The following FCHSD1 variants were observed in gnomAD, a reference collection of about 807,000 sequenced individuals.
FCHSD1 encodes FCH and double SH3 domains 1, also known as F-BAR and double SH3 domains protein 1.
In FCHSD1, 109 loss-of-function variants were observed where a neutral mutation model predicts 101.3. The observed-to-expected ratio is 1.08, with a 90% CI of 0.92 to 1.26. The LOEUF (loss-of-function observed/expected upper bound fraction) is 1.26. Among genes scored for constraint, FCHSD1 ranks in the 50% most tolerant of loss-of-function variants. The pLI is 0.00. For synonymous variants in FCHSD1, 291 were observed against 356.8 expected (o/e 0.82, Z 2.08); for missense variants, 820 against 895.8 (o/e 0.92, Z 1.08).
intron 11 of FCHSD1, 149 bp downstream of exon 11, chr5:141,646,454 C>T: frequency 7.7e-7 from 1 of 1,295,178 alleles, no homozygotes; most frequent in Non-Finnish European, 1.0e-6. Flanking sequence ...AAACTGTGCT[C>T]TTAACTATTG....
rs771716033 is a variant in FCHSD1, at chr5:141,643,090, T to G, written c.1864-2A>C. 18 of 1,477,442 alleles carry G rather than the reference T, an allele frequency of 1.2e-5. No individual in the cohort carries two copies. In the East Asian group the frequency reaches 4.6e-4, roughly 38 times the overall value. The allele number at this position is 1,477,442 out of a possible 1,614,324, so 91.5% of individuals were successfully genotyped here. On this transcript the variant is annotated splice_acceptor_variant, in intron 17 of 19. Coordinates refer to ENST00000435817, the MANE Select transcript of FCHSD1 (RefSeq NM_033449.3). LOFTEE classifies it high-confidence loss of function. ...GGGAGGAGAAGGGGACGGCAGCATC[T>G]GGAGGTGGGGTGGGCACAGAGTTAT...
Position 141,647,417 on chromosome 5 carries a change from C to T in FCHSD1, c.809G>A (p.Gly270Glu). The part of the protein sequence containing the change: ...AEVILEHAHR[G>E]EQTTSQVSWE... The stretch of plus-strand genomic sequence containing the variant: ...CCTCACCTGGGAGGTTGTCTGCTCC[C>T]CGCGGTGGGCATGCTCCAGGATGAC... Residue 270 changes from glycine to glutamate, a missense_variant, in exon 9 of 20, where the codon GGG becomes GAG. By Grantham distance (98) the Gly-to-Glu change is moderately conservative. Coordinates refer to ENST00000435817, the MANE Select transcript of FCHSD1 (RefSeq NM_033449.3). 6.2e-7 allele frequency: 1 copy of T among 1,601,572 alleles called. No homozygotes were observed. Among genetic ancestry groups the T allele is most frequent in the Non-Finnish European group, 8.5e-7 (1 of 1,173,188 alleles).
rs375807322 is a variant in FCHSD1 at position 141,640,165 on chromosome 5, G to A, written c.*1333C>T. On this transcript the variant is annotated 3_prime_UTR_variant, in exon 20 of 20. Coordinates refer to ENST00000435817, the MANE Select transcript of FCHSD1 (RefSeq NM_033449.3). The stretch of plus-strand genomic sequence containing the variant: ...CTCAGGGACAGCAGCCTAACCCCTC[G>A]TGCACTTGAAGGGAACCCCAGAGCT... The A allele has an allele frequency of 5.6e-6, 9 of 1,614,006 alleles. No homozygotes were observed. In the East Asian group the frequency reaches 6.7e-5, roughly 12 times the overall value.
In FCHSD1 at chr5:141,642,604, G is replaced by A. The variant is rs2099907068; in HGVS notation, c.1951+397C>T. ...TACAAAGCTAGGTATCTGGACACTA[G>A]GAGCAAAAGGTGCATATTGGGAGGA... On this transcript the variant is annotated intron_variant, in intron 18 of 19. Coordinates refer to ENST00000435817, the MANE Select transcript of FCHSD1 (RefSeq NM_033449.3). 4 of 545,462 alleles carry A rather than the reference G, an allele frequency of 7.3e-6. No homozygotes were observed. In the South Asian group the frequency reaches 9.7e-5, roughly 13 times the overall value. The allele number at this position is 545,462 out of a possible 1,614,324, so 33.8% of individuals were successfully genotyped here. A position where few individuals can be genotyped will look rare whatever the true frequency, so the allele number is the denominator to read the frequency against.
intron 1 of FCHSD1, 94 bp downstream of exon 1, chr5:141,651,254 T>G (rs1222418644): frequency 8.3e-5 from 128 of 1,543,264 alleles, no homozygotes; most frequent in Non-Finnish European, 1.1e-4. Context: ...TCTGACCCCT[T>G]CCGACTTCCC....
intron 9 of FCHSD1, 80 bp from the exon 10 acceptor site, chr5:141,647,310 A>G: frequency 6.4e-7 from 1 of 1,563,206 alleles, no homozygotes; most frequent in Non-Finnish European, 8.7e-7. Flanking sequence ...TGGAAGAAAA[A>G]GGACAATGTG....
At chr5:141,642,552 A>G (rs940815610) in intron 18 of FCHSD1, 13 of 531,734 alleles carry the variant, frequency 2.4e-5, no homozygotes, top group Non-Finnish European at 4.3e-5. Flanking sequence ...AAAAAAGAAA[A>G]AAAGTGGGCA....
chr5:141,647,572 TA>T, intron 8 of FCHSD1, 52 bp from the exon 9 acceptor site: 1 of 1,596,454 alleles, frequency 6.3e-7, no homozygotes, highest in Non-Finnish European at 8.5e-7. Context: ...ACCTCTACTG[TA>T]AAATAGGCTC....
At position 141,640,371 on chromosome 5, in the gene FCHSD1, A is replaced by C; in HGVS notation, c.*1127T>G. ...ACTCTGGGGGGCACTGATAGGACCT[A>C]CTCCTGGTCTCTCATTGTTGACCCC... On this transcript the variant is annotated 3_prime_UTR_variant, in exon 20 of 20. Transcript: ENST00000435817. 2.5e-6 allele frequency: 4 copies of C among 1,613,764 alleles called. No individual in the cohort carries two copies. The highest frequency in any genetic ancestry group is 3.4e-6 in the Non-Finnish European group (4 of 1,179,924).
intron 18 of FCHSD1, 52 bp downstream of exon 18, chr5:141,642,949 C>G: frequency 2.0e-6 from 3 of 1,522,432 alleles, no homozygotes; most frequent in Non-Finnish European, 2.7e-6. Context: ...TCCAAGCTTC[C>G]TCCTTCTTCC....
intron 7 of FCHSD1, 51 bp from the exon 8 acceptor site, chr5:141,648,147 T>A: frequency 1.3e-6 from 2 of 1,537,932 alleles, no homozygotes; most frequent in South Asian, 1.3e-5. Context: ...CCAGAGTCCT[T>A]CCAAGACCAA....
In FCHSD1 at chr5:141,640,026, G is replaced by A. The variant is rs749701664; in HGVS notation, c.*1472C>T. 5.0e-6 allele frequency: 8 copies of A among 1,613,604 alleles called. No individual in the cohort carries two copies. The highest frequency in any genetic ancestry group is 1.7e-5 in the Admixed American group (1 of 60,022). ...TGGTGGGGGACAGGACCCAGGGGGT[G>A]GTCAGGGGTCTGGGGGAGGGCAGCC... On this transcript the variant is annotated 3_prime_UTR_variant, in exon 20 of 20. Transcript: ENST00000435817.
chr5:141,651,399 A>T lies in FCHSD1; in HGVS notation c.-31T>A. 6.4e-7 allele frequency: 1 copy of T among 1,550,640 alleles called. No homozygotes were observed. The highest frequency in any genetic ancestry group is 8.7e-7 in the Non-Finnish European group (1 of 1,146,982). On this transcript the variant is annotated 5_prime_UTR_variant, in exon 1 of 20. Coordinates refer to ENST00000435817, the MANE Select transcript of FCHSD1 (RefSeq NM_033449.3). Reference sequence around the variant, plus strand: ...CTCCAGCAAGGCGGTCAGCCACTGGACTCCGGAACTGGAGGAAGCCCCGCC... The same window carrying T: ...CTCCAGCAAGGCGGTCAGCCACTGGTCTCCGGAACTGGAGGAAGCCCCGCC...
intron 18 of FCHSD1, chr5:141,642,348 A>G (rs1024355980): frequency 1.5e-5 from 10 of 666,500 alleles, no homozygotes; most frequent in Admixed American, 2.5e-5. Context: ...CAGGACTCCA[A>G]AGGGGGCAAA....
chr5:141,641,363 C>T lies in FCHSD1; in HGVS notation c.*135G>A. ...TCTAGAAATGGGAAGGGGCAAGTTT[C>T]CACCCTTGGAGGTGAGGGTGGAAAT... On this transcript the variant is annotated 3_prime_UTR_variant, in exon 20 of 20. Coordinates refer to ENST00000435817, the MANE Select transcript of FCHSD1 (RefSeq NM_033449.3). The T allele has an allele frequency of 1.3e-6, 1 of 770,710 alleles. No homozygotes were observed. The highest frequency in any genetic ancestry group is 1.9e-6 in the Non-Finnish European group (1 of 515,494). The allele number at this position is 770,710 out of a possible 1,614,324, so 47.7% of individuals were successfully genotyped here.
chr5:141,640,295 G>A lies in FCHSD1; in HGVS notation c.*1203C>T, dbSNP rs2099906688. ...GCAAACCAGACACTTCTGATCACCAGGTAGGAAAACACAGCCGGGACTGCA... is the reference window on the plus strand; with the variant it reads ...GCAAACCAGACACTTCTGATCACCAAGTAGGAAAACACAGCCGGGACTGCA... On this transcript the variant is annotated 3_prime_UTR_variant, in exon 20 of 20. Transcript: ENST00000435817. The A allele has an allele frequency of 1.9e-6, 3 of 1,613,706 alleles. No individual in the cohort carries two copies. The highest frequency in any genetic ancestry group is 2.5e-6 in the Non-Finnish European group (3 of 1,179,838).
Position 141,644,352 on chromosome 5 carries a change from G to T in FCHSD1, c.1729C>A (p.Pro577Thr). ...FPEGALIRLL[P>T]RAQDGVDDGF... is the part of the protein sequence containing the mutation. ...TCATCTACTCCATCTTGGGCCCGGG[G>T]CAGCAGACGGATGAGTGCCCCCTCA... Residue 577 changes from proline to threonine, a missense_variant, in exon 17 of 20, where the codon CCC becomes ACC. Transcript: ENST00000435817. 1.2e-6 allele frequency: 2 copies of T among 1,613,956 alleles called. No homozygotes were observed. Among genetic ancestry groups the T allele is most frequent in the Non-Finnish European group, 1.7e-6 (2 of 1,179,880 alleles).
At position 141,640,471 on chromosome 5, in the gene FCHSD1, G is replaced by A. The variant is rs745334394; in HGVS notation, c.*1027C>T. 1.5e-5 allele frequency: 24 copies of A among 1,613,984 alleles called. No homozygotes were observed. In the East Asian group the frequency reaches 4.2e-4, roughly 28 times the overall value. On this transcript the variant is annotated 3_prime_UTR_variant, in exon 20 of 20. Coordinates refer to ENST00000435817, the MANE Select transcript of FCHSD1 (RefSeq NM_033449.3). ...GTGAGTCTGCCTGAGCCCTAAATGA[G>A]GTAATCTCATCTTCCCATCACCTAC... is the stretch of plus-strand genomic sequence containing the variant.
Position 141,647,233 on chromosome 5 carries a change from A to T in FCHSD1, c.829-3T>A. ...TTCAGGTCTTGCTCCCAGCTTACCT[A>T]GGGGTTGGGAAAAGTCAAAGTCACT... is the stretch of plus-strand genomic sequence containing the variant. On this transcript the variant is annotated splice_region_variant and splice_polypyrimidine_tract_variant and intron_variant, in intron 9 of 19. Coordinates refer to ENST00000435817, the MANE Select transcript of FCHSD1 (RefSeq NM_033449.3). 1 of 1,600,966 alleles carries T rather than the reference A, an allele frequency of 6.2e-7. No individual in the cohort carries two copies. The highest frequency in any genetic ancestry group is 8.5e-7 in the Non-Finnish European group (1 of 1,173,626).
Sources: allele counts gnomAD v4.1 joint callset, GRCh38; gene constraint gnomAD v4.1.1; transcripts MANE v1.5; gene names NCBI Gene and HGNC (gene_info 2026-07-23, HGNC 2026-07-21).